The following IER3IP1 variants were observed in gnomAD, a reference collection of about 807,000 sequenced individuals.
IER3IP1 encodes the protein immediate early response 3-interacting protein 1.
Under a neutral mutation model 12.2 loss-of-function variants are expected in IER3IP1, and 16 were observed. The ratio of observed to expected loss-of-function variants is 1.31; its 90% CI spans 0.89 to 1.99. IER3IP1 has a LOEUF of 1.99. IER3IP1 is among the 30% of genes most tolerant of loss of function. The pLI, the probability that IER3IP1 is intolerant of heterozygous loss-of-function variation, is 0.00. For missense variants in IER3IP1, 95 were observed against 95.8 expected, an observed-to-expected ratio of 0.99 and a Z score of 0.03; for synonymous variants, 42 against 40.0, an observed-to-expected ratio of 1.05 and a Z score of -0.19.
chr18:47,176,110 C>T, intron 1 of IER3IP1, 77 bp downstream of exon 1: 1 of 1,204,324 alleles, frequency 8.3e-7, no homozygotes, highest in Admixed American at 2.0e-5. Flanking sequence ...TTGGTGTCCC[C>T]TCACGCGGCC....
chr18:47,173,396 G>A (rs1434595331), intron 1 of IER3IP1, among the ~76,000 whole-genome samples: 1 of 151,996 alleles, frequency 6.6e-6, no homozygotes, highest in African/African-American at 2.4e-5. Flanking sequence ...ACCCAGGTTG[G>A]AGTGCAGTGG....
In IER3IP1 at chr18:47,154,061, C is replaced by T. The variant is rs569296287; in HGVS notation, c.*2116G>A. ...TAGAGCCAAGAACCTTCGCACAGTT[C>T]AGAGACATGCAAACACAGGGCCAGA... On this transcript the variant is annotated 3_prime_UTR_variant, in exon 3 of 3. Coordinates refer to ENST00000256433, the MANE Select transcript of IER3IP1 (RefSeq NM_016097.5). The T allele has an allele frequency of 1.3e-5, 2 of 152,302 alleles. No homozygotes were observed. The highest frequency in any genetic ancestry group is 1.9e-4 in the East Asian group (1 of 5,194). The allele number at this position is 152,302 out of a possible 1,614,324, so 9.4% of individuals were successfully genotyped here.
intron 1 of IER3IP1, among the ~76,000 whole-genome samples, chr18:47,159,236 GTAC>G (rs2063971658): frequency 6.6e-6 from 1 of 152,214 alleles, no homozygotes; most frequent in Non-Finnish European, 1.5e-5. Context: ...GTCATCTGAA[GTAC>G]TGTGACAAAC....
rs11872528 is a variant in IER3IP1, at chr18:47,162,827, C to A, written c.92-5290G>T. ...AAGGTACAATGTCTTCAAAACTCTGCAGAAAAATTAGTTTCAATCTAGAAT... is the reference window on the plus strand; with the variant it reads ...AAGGTACAATGTCTTCAAAACTCTGAAGAAAAATTAGTTTCAATCTAGAAT... On this transcript the variant is annotated intron_variant, in intron 1 of 2. Transcript: ENST00000256433. 5.3e-5 allele frequency among the ~76,000 whole-genome samples: 8 copies of A among 151,360 alleles called. No individual in the cohort carries two copies. The East Asian group carries it at 1.6e-3, about 29-fold the overall frequency.
rs1397310329 is a variant in IER3IP1, at chr18:47,153,685, GCTTCCAGCTCCAT to G, written c.*2479_*2491del. The G allele has an allele frequency of 1.3e-5, 2 of 152,038 alleles. No homozygotes were observed. Among genetic ancestry groups the G allele is most frequent in the African/African-American group, 4.8e-5 (2 of 41,386 alleles). 9.4% of individuals were successfully genotyped at this position (152,038 alleles called of 1,614,324 possible). A position where few individuals can be genotyped will look rare whatever the true frequency, so the allele number is the denominator to read the frequency against. On this transcript the variant is annotated 3_prime_UTR_variant, in exon 3 of 3. Transcript: ENST00000256433. ...CTACATTAGTTTGTTAAGGATGATG[GCTTCCAGCTCCAT>G]CCATGTTCCCACAGAAGGTATTATC...
At position 47,166,261 on chromosome 18, in the gene IER3IP1, TTTAA is replaced by T. The variant is rs1239044594; in HGVS notation, c.92-8728_92-8725del. On this transcript the variant is annotated intron_variant, in intron 1 of 2. Coordinates refer to ENST00000256433, the MANE Select transcript of IER3IP1 (RefSeq NM_016097.5). Reference sequence around the variant, plus strand: ...TTGCAAGAATATAATGATAAAGTTATTTAATTATTTAGAAAACATTCGTTGATTG... The same window carrying T: ...TTGCAAGAATATAATGATAAAGTTATTTATTTAGAAAACATTCGTTGATTG... Among the ~76,000 whole-genome samples the T allele has an allele frequency of 4.6e-5, 7 of 152,304 alleles. No homozygotes were observed. The South Asian group carries it at 1.2e-3, about 27-fold the overall frequency.
intron 1 of IER3IP1, among the ~76,000 whole-genome samples, chr18:47,175,312 A>C (rs1433853846): frequency 6.6e-6 from 1 of 152,198 alleles, no homozygotes; most frequent in South Asian, 2.1e-4. Context: ...TTCTTGGAAC[A>C]TGAGTGTCTG....
chr18:47,169,063 C>T (rs923156723), intron 1 of IER3IP1, among the ~76,000 whole-genome samples: 1 of 152,170 alleles, frequency 6.6e-6, no homozygotes, highest in African/African-American at 2.4e-5. Flanking sequence ...TACACATTGG[C>T]AACCACTTCC....
At chr18:47,169,180 C>T (rs893808776) in intron 1 of IER3IP1, among the ~76,000 whole-genome samples, 1 of 152,192 alleles carries the variant, frequency 6.6e-6, no homozygotes, top group African/African-American at 2.4e-5. Context: ...TTCTTATAAA[C>T]AGTATCATAT....
At chr18:47,164,694 A>G (rs1235958879) in intron 1 of IER3IP1, among the ~76,000 whole-genome samples, 1 of 151,708 alleles carries the variant, frequency 6.6e-6, no homozygotes, top group Non-Finnish European at 1.5e-5. Context: ...AGGTGGGAGC[A>G]CTGCTTGAGC....
chr18:47,164,379 C>G (rs2144430381), intron 1 of IER3IP1, among the ~76,000 whole-genome samples: 1 of 152,040 alleles, frequency 6.6e-6, no homozygotes, highest in East Asian at 1.9e-4. Flanking sequence ...AGATCAGGGG[C>G]CAGGGATTAT....
chr18:47,172,211 T>C lies in IER3IP1; in HGVS notation c.91+3976A>G, dbSNP rs2064017762. Among the ~76,000 whole-genome samples, 1 of 152,208 alleles carries C rather than the reference T, an allele frequency of 6.6e-6. No individual in the cohort carries two copies. The highest frequency in any genetic ancestry group is 1.5e-5 in the Non-Finnish European group (1 of 68,040). On this transcript the variant is annotated intron_variant, in intron 1 of 2. Transcript: ENST00000256433. The surrounding 1 kb of genome is among the most constrained non-coding windows in gnomAD (Gnocchi z 4.0). ...TTTTCACTGTCACTGCTGAGATACC[T>C]CAAGCTCTAAAAACAAAACCACCAC...
chr18:47,176,240 AG>A lies in IER3IP1; in HGVS notation c.37del (p.Leu13CysfsTer40). The part of the protein sequence containing the change: ...FTLYSLLQAA[L>X]LCVNAIAVLH... ...CACTGCGATGGCGTTGACGCAGAGC[AG>A]GGCTGCCTGCAGCAGTGAGTACAGG... On this transcript the variant is annotated frameshift_variant, in exon 1 of 3. Transcript: ENST00000256433. LOFTEE classifies it high-confidence loss of function. 3 of 1,609,398 alleles carry A rather than the reference AG, an allele frequency of 1.9e-6. No individual in the cohort carries two copies. The highest frequency in any genetic ancestry group is 2.5e-6 in the Non-Finnish European group (3 of 1,178,234).
chr18:47,176,324 C>T lies in IER3IP1; in HGVS notation c.-47G>A, dbSNP rs1260341718. 6.0e-6 allele frequency: 9 copies of T among 1,512,196 alleles called. No homozygotes were observed. The South Asian group carries it at 8.3e-5, about 14-fold the overall frequency. The allele number at this position is 1,512,196 out of a possible 1,614,324, so 93.7% of individuals were successfully genotyped here. A position where few individuals can be genotyped will look rare whatever the true frequency, so the allele number is the denominator to read the frequency against. On this transcript the variant is annotated 5_prime_UTR_variant, in exon 1 of 3. Coordinates refer to ENST00000256433, the MANE Select transcript of IER3IP1 (RefSeq NM_016097.5). ...AGTCCAAGCGATTTCTCTCCCGCCG[C>T]CGCAAGGGACGTGGCGCCTCCACGG...
intron 1 of IER3IP1, among the ~76,000 whole-genome samples, chr18:47,169,834 T>C (rs2064009495): frequency 6.6e-6 from 1 of 152,166 alleles, no homozygotes; most frequent in South Asian, 2.1e-4. Flanking sequence ...TAGTTCTTTA[T>C]ATATTTTGGA....
chr18:47,169,790 ATTGAG>A (rs1231496027), intron 1 of IER3IP1, among the ~76,000 whole-genome samples: 36 of 152,022 alleles, frequency 2.4e-4, no homozygotes, highest in Middle Eastern at 3.2e-3. Flanking sequence ...AAATGTTTTA[ATTGAG>A]TTATTTATCT....
At chr18:47,175,510 C>G (rs2064029559) in intron 1 of IER3IP1, among the ~76,000 whole-genome samples, 1 of 152,156 alleles carries the variant, frequency 6.6e-6, no homozygotes, top group African/African-American at 2.4e-5. Flanking sequence ...ATTGCCCAGG[C>G]TGGAGTGCAA....
intron 1 of IER3IP1, among the ~76,000 whole-genome samples, chr18:47,160,451 G>A (rs561727832): frequency 1.6e-4 from 24 of 152,284 alleles, no homozygotes; most frequent in South Asian, 2.1e-4. Flanking sequence ...GAATGCCATC[G>A]GCTGGAAGGA....
chr18:47,157,826 T>C (rs895548617), intron 1 of IER3IP1, among the ~76,000 whole-genome samples: 3 of 152,208 alleles, frequency 2.0e-5, no homozygotes, highest in Non-Finnish European at 1.5e-5. Flanking sequence ...ACTGTTTTTT[T>C]CTCCTTTTTT....
Sources: gnomAD v4.1 joint callset for allele counts (sites outside exome capture counted in the v4.1 genomes callset) on GRCh38, gnomAD v4.1.1 for gene constraint, Gnocchi (gnomAD v3.1) non-coding constraint, MANE v1.5 for transcripts, NCBI Gene and HGNC (gene_info 2026-07-23, HGNC 2026-07-21) for gene names.